Variants in KIAA1958 observed in about 807,000 individuals in gnomAD.
KIAA1958 encodes the protein KIAA1958.
A neutral mutation model predicts 47.2 loss-of-function variants in KIAA1958; 14 were observed. The observed-to-expected ratio is 0.30, with a 90% CI of 0.20 to 0.46. The LOEUF (loss-of-function observed/expected upper bound fraction) is 0.46, where lower values mean the gene tolerates loss of function less well. Ranked by LOEUF, KIAA1958 falls within the 20% of genes least tolerant of loss-of-function variation. The probability of loss-of-function intolerance (pLI) is 1.00; values close to 1 mark genes in which losing one functional copy is unlikely to be tolerated. For synonymous variants in KIAA1958, 354 were observed against 353.3 expected (o/e 1.00, Z -0.02); for missense variants, 803 against 909.2 (o/e 0.88, Z 1.50).
At chr9:112,529,335 G>A (rs1834712973) in intron 1 of KIAA1958, among the ~76,000 whole-genome samples, 2 of 152,118 alleles carry the variant, frequency 1.3e-5, no homozygotes, top group Non-Finnish European at 2.9e-5. Flanking sequence ...TTAATGAACC[G>A]ATATTGACAC....
intron 1 of KIAA1958, among the ~76,000 whole-genome samples, chr9:112,517,144 ATT>A (rs774103487): frequency 0.96 from 145,024 of 151,402 alleles, 69,536 homozygotes; most frequent in African/African-American, 0.99. Context: ...TATTTAATAT[ATT>A]AATTCCATAT....
At chr9:112,586,172 A>G (rs1835819239) in intron 2 of KIAA1958, among the ~76,000 whole-genome samples, 1 of 152,256 alleles carries the variant, frequency 6.6e-6, no homozygotes, top group African/African-American at 2.4e-5. Flanking sequence ...TAAGACATTT[A>G]TCAAGGGTGA....
Position 112,602,874 on chromosome 9 carries a change from C to G in KIAA1958, c.1171+27623C>G, listed in dbSNP as rs115932630. On this transcript the variant is annotated intron_variant, in intron 2 of 3. Transcript: ENST00000337530. ...CACTCACTTTTGTTTTTAATGCTTT[C>G]TAAATACAATCAGTATGGTTGGTCT... Among the ~76,000 whole-genome samples, 199 of 152,244 alleles carry G rather than the reference C, an allele frequency of 1.3e-3. 1 individual carries two copies. Among genetic ancestry groups the G allele is most frequent in the African/African-American group, 4.5e-3 (187 of 41,568 alleles).
intron 1 of KIAA1958, among the ~76,000 whole-genome samples, chr9:112,556,447 T>C (rs952893273): frequency 6.6e-6 from 1 of 152,198 alleles, no homozygotes; most frequent in African/African-American, 2.4e-5. Context: ...GCTCTCCACT[T>C]TTGTTGTAAA....
Position 112,487,132 on chromosome 9 carries a change from C to T in KIAA1958, c.-25+14C>T. Reference sequence around the variant, plus strand: ...AGACACCTGCAGGTGGGTGAGAGCCCGCGCGCGGGGCGGGGACGAGTGCGC... The same window carrying T: ...AGACACCTGCAGGTGGGTGAGAGCCTGCGCGCGGGGCGGGGACGAGTGCGC... On this transcript the variant is annotated intron_variant, in intron 1 of 3. Transcript: ENST00000337530. 4.9e-6 allele frequency: 1 copy of T among 203,538 alleles called. No homozygotes were observed. Among genetic ancestry groups the T allele is most frequent in the Non-Finnish European group, 1.0e-5 (1 of 99,258 alleles). The allele number at this position is 203,538 out of a possible 1,614,324, so 12.6% of individuals were successfully genotyped here. A position where few individuals can be genotyped will look rare whatever the true frequency, so the allele number is the denominator to read the frequency against.
chr9:112,576,434 A>G (rs758509804), intron 2 of KIAA1958, among the ~76,000 whole-genome samples: 1 of 152,198 alleles, frequency 6.6e-6, no homozygotes, highest in Non-Finnish European at 1.5e-5. Flanking sequence ...ATAGAGTTGT[A>G]CAACTATCGC....
At chr9:112,587,393 ACCCG>A (rs1430059069) in intron 2 of KIAA1958, among the ~76,000 whole-genome samples, 1 of 151,956 alleles carries the variant, frequency 6.6e-6, no homozygotes, top group Admixed American at 6.6e-5. Context: ...CAAGTGATCC[ACCCG>A]CTTTGGCCCC....
intron 1 of KIAA1958, among the ~76,000 whole-genome samples, chr9:112,540,357 C>T (rs558655697): frequency 7.2e-5 from 11 of 152,252 alleles, no homozygotes; most frequent in African/African-American, 2.4e-4. Context: ...TGTATGCATA[C>T]ATAATTACAT....
chr9:112,506,363 G>A (rs1834235058), intron 1 of KIAA1958, among the ~76,000 whole-genome samples: 2 of 152,204 alleles, frequency 1.3e-5, no homozygotes, highest in Admixed American at 6.5e-5. Context: ...GGCTGAGACA[G>A]GAGAATGGCA....
In KIAA1958 at chr9:112,574,459, G is replaced by GA; in HGVS notation, c.380dup (p.Pro128AlafsTer3). The GA allele has an allele frequency of 6.2e-7, 1 of 1,614,138 alleles. No homozygotes were observed. The highest frequency in any genetic ancestry group is 8.5e-7 in the Non-Finnish European group (1 of 1,180,014). ...CTCTTGTGACTTCTCCTACTGTAGT[G>GA]AGCCCTCTGAACTGGATGAAACTGT... On this transcript the variant is annotated frameshift_variant, in exon 2 of 4. Coordinates refer to ENST00000337530, the MANE Select transcript of KIAA1958 (RefSeq NM_133465.4). LOFTEE classifies it high-confidence loss of function.
chr9:112,527,832 G>A (rs1291176478), intron 1 of KIAA1958, among the ~76,000 whole-genome samples: 3 of 151,792 alleles, frequency 2.0e-5, no homozygotes, highest in Non-Finnish European at 2.9e-5. Context: ...AGCTACTGGC[G>A]AGGCCGAGGT....
rs1240832186 is a variant in KIAA1958, at chr9:112,661,431, A to G, written c.*1362A>G. 6.6e-6 allele frequency: 1 copy of G among 152,212 alleles called. No individual in the cohort carries two copies. The highest frequency in any genetic ancestry group is 1.5e-5 in the Non-Finnish European group (1 of 68,034). The allele number at this position is 152,212 out of a possible 1,614,324, so 9.4% of individuals were successfully genotyped here. On this transcript the variant is annotated 3_prime_UTR_variant, in exon 4 of 4. Transcript: ENST00000337530. The stretch of plus-strand genomic sequence containing the variant: ...GACCTTGACTTTGCATTTGAGGAAA[A>G]TCTTGTGTAACTTTATTCCATTATG...
At chr9:112,658,560 TG>T (rs199659489) in intron 3 of KIAA1958, among the ~76,000 whole-genome samples, 8 of 152,154 alleles carry the variant, frequency 5.3e-5, no homozygotes, top group Non-Finnish European at 8.8e-5. Context: ...TATATGTGTA[TG>T]GGGGGGTGTT....
intron 2 of KIAA1958, among the ~76,000 whole-genome samples, chr9:112,590,832 A>G (rs1483832134): frequency 6.6e-6 from 1 of 152,208 alleles, no homozygotes; most frequent in African/African-American, 2.4e-5. Flanking sequence ...ATAATTGTGT[A>G]TAATGTGATT....
intron 1 of KIAA1958, among the ~76,000 whole-genome samples, chr9:112,534,070 A>C (rs1313654428): frequency 6.6e-6 from 1 of 152,194 alleles, no homozygotes; most frequent in East Asian, 1.9e-4. Context: ...CTAGCTCTGT[A>C]ACCTTAGGCA....
chr9:112,528,812 C>T (rs1834704741), intron 1 of KIAA1958, among the ~76,000 whole-genome samples: 1 of 152,208 alleles, frequency 6.6e-6, no homozygotes, highest in Non-Finnish European at 1.5e-5. Flanking sequence ...AGCTACCGCA[C>T]TCGGCCTGTT....
intron 1 of KIAA1958, among the ~76,000 whole-genome samples, chr9:112,502,714 G>T (rs1437625613): frequency 6.6e-6 from 1 of 152,220 alleles, no homozygotes; most frequent in Non-Finnish European, 1.5e-5. Context: ...ACCGTTTGTT[G>T]TCTGTGGTTG....
chr9:112,558,187 T>C (rs895382833), intron 1 of KIAA1958, among the ~76,000 whole-genome samples: 3 of 151,512 alleles, frequency 2.0e-5, no homozygotes, highest in Admixed American at 2.0e-4. Context: ...ATCGCGCCAC[T>C]GCACTCCAGC....
At chr9:112,628,929 C>T (rs1836664818) in intron 2 of KIAA1958, among the ~76,000 whole-genome samples, 1 of 152,134 alleles carries the variant, frequency 6.6e-6, no homozygotes, top group Non-Finnish European at 1.5e-5. Context: ...AAATGTAACT[C>T]TAACCCCGTA....
Sources: allele counts gnomAD v4.1 joint callset (sites outside exome capture counted in the v4.1 genomes callset), GRCh38; gene constraint gnomAD v4.1.1; transcripts MANE v1.5; gene names NCBI Gene and HGNC (gene_info 2026-07-23, HGNC 2026-07-21).